LRGUK: variants seen among roughly 807,000 people sequenced by gnomAD.
LRGUK encodes the protein leucine rich repeats and guanylate kinase domain containing, also known as leucine-rich repeat and guanylate kinase domain-containing protein.
A neutral mutation model predicts 76.0 loss-of-function variants in LRGUK; 65 were observed. The ratio of observed to expected loss-of-function variants is 0.85; its 90% CI spans 0.70 to 1.05. LRGUK has a LOEUF of 1.05. LRGUK is among the 50% of genes least tolerant of loss of function. LRGUK has a pLI of 0.00. For synonymous variants in LRGUK, 268 were observed against 265.6 expected (o/e 1.01, Z -0.09); for missense variants, 758 against 732.8 (o/e 1.03, Z -0.40).
intron 15 of LRGUK, among the ~76,000 whole-genome samples, chr7:134,219,904 T>C (rs1221882573): frequency 6.6e-6 from 1 of 152,186 alleles, no homozygotes; most frequent in Non-Finnish European, 1.5e-5. Flanking sequence ...GGACTTCCTC[T>C]GACCACCATG....
chr7:134,250,912 G>A (rs1332946513), intron 18 of LRGUK, among the ~76,000 whole-genome samples: 1 of 152,196 alleles, frequency 6.6e-6, no homozygotes, highest in South Asian at 2.1e-4. Context: ...TTCACCCGTG[G>A]TCATGCATAT....
chr7:134,236,686 C>G (rs1802024912), intron 16 of LRGUK, among the ~76,000 whole-genome samples: 1 of 152,178 alleles, frequency 6.6e-6, no homozygotes, highest in Non-Finnish European at 1.5e-5. Flanking sequence ...GCAGAAGTTT[C>G]CTACACCCAT....
the LRGUK span, among the ~76,000 whole-genome samples, chr7:134,275,044 A>G: frequency 9.2e-5 from 14 of 151,918 alleles, no homozygotes; most frequent in Non-Finnish European, 1.6e-4. Context: ...GCTTTTTGCT[A>G]TACTTTTTTT....
At chr7:134,164,214 C>T (rs1798876508) in intron 7 of LRGUK, among the ~76,000 whole-genome samples, 1 of 152,068 alleles carries the variant, frequency 6.6e-6, no homozygotes, top group Non-Finnish European at 1.5e-5. Flanking sequence ...TGATGTTGTA[C>T]ACAGTAAGTA....
chr7:134,133,511 T>A (rs1797395409), intron 1 of LRGUK, among the ~76,000 whole-genome samples: 1 of 152,200 alleles, frequency 6.6e-6, no homozygotes, highest in African/African-American at 2.4e-5. Flanking sequence ...TCTCCCAGAC[T>A]GAACTGTAAA....
At chr7:134,153,800 A>G (rs1798333969) in intron 5 of LRGUK, among the ~76,000 whole-genome samples, 2 of 152,154 alleles carry the variant, frequency 1.3e-5, no homozygotes, top group South Asian at 4.1e-4. Flanking sequence ...TGGTAAGGTG[A>G]TACAGATCTT....
At chr7:134,133,349 A>G (rs1332321132) in intron 1 of LRGUK, among the ~76,000 whole-genome samples, 1 of 152,134 alleles carries the variant, frequency 6.6e-6, no homozygotes, top group African/African-American at 2.4e-5. Flanking sequence ...TTGGGTCTCA[A>G]TTGAATTGCT....
At chr7:134,174,445 A>G (rs182018355) in intron 7 of LRGUK, 111 bp from the exon 8 acceptor site, 12 of 689,054 alleles carry the variant, frequency 1.7e-5, no homozygotes, top group African/African-American at 1.4e-4. Flanking sequence ...AGACAGAGCA[A>G]TTTTTAAAAT....
intron 5 of LRGUK, among the ~76,000 whole-genome samples, chr7:134,156,336 G>A (rs578054446): frequency 5.3e-5 from 8 of 151,700 alleles, no homozygotes; most frequent in African/African-American, 1.9e-4. Context: ...AGAATCTTTT[G>A]TCTGCTAGTA....
At chr7:134,160,486 A>C (rs149355227) in intron 6 of LRGUK, among the ~76,000 whole-genome samples, 91 of 152,300 alleles carry the variant, frequency 6.0e-4, no homozygotes, top group African/African-American at 2.2e-3. Context: ...ATAGTTTTTA[A>C]TGCTTTTATT....
intron 15 of LRGUK, 126 bp from the exon 16 acceptor site, chr7:134,221,653 T>G: frequency 1.7e-6 from 1 of 597,556 alleles, no homozygotes; most frequent in Non-Finnish European, 2.6e-6. Flanking sequence ...ATTTTAAAGT[T>G]GAAATGCGCA....
chr7:134,127,678 C>T lies in LRGUK; in HGVS notation c.297+14C>T. 9 of 1,605,702 alleles carry T rather than the reference C, an allele frequency of 5.6e-6. No individual in the cohort carries two copies. Among genetic ancestry groups the T allele is most frequent in the Middle Eastern group, 2.1e-4 (1 of 4,788 alleles). ...CTGAATTTGGAGGTGTGTCTTCCCC[C>T]CCACCCCGTACTCCCTGGCTCCCTC... On this transcript the variant is annotated intron_variant, in intron 1 of 15. Transcript: ENST00000645682.
intron 2 of LRGUK, among the ~76,000 whole-genome samples, chr7:134,138,063 C>A (rs17828320): frequency 0.012 from 1,768 of 152,274 alleles, 12 homozygotes; most frequent in Non-Finnish European, 0.018. Flanking sequence ...CACTTTGTAA[C>A]ATTTTATGGA....
Position 134,248,820 on chromosome 7 carries a change from A to C in LRGUK, c.2073-131A>C, listed in dbSNP as rs74606204. The C allele has an allele frequency of 6.3e-4, 378 of 598,312 alleles. 4 individuals carry two copies. The African/African-American group carries it at 6.7e-3, about 11-fold the overall frequency. The allele number at this position is 598,312 out of a possible 1,614,324, so 37.1% of individuals were successfully genotyped here. ...CTGATGTGCATGTTTCTGAGTGGAT[A>C]TATTACATTATTTCACATAGATCTC... is the stretch of plus-strand genomic sequence containing the variant. On this transcript the variant is annotated intron_variant, in intron 17 of 19. Transcript: ENST00000285928.
intron 10 of LRGUK, among the ~76,000 whole-genome samples, chr7:134,181,589 G>A (rs1799754264): frequency 6.6e-6 from 1 of 151,654 alleles, no homozygotes; most frequent in Non-Finnish European, 1.5e-5. Context: ...TCTGTTTTCT[G>A]TTCCTTTGGT....
At chr7:134,166,101 C>T (rs985809090) in intron 7 of LRGUK, among the ~76,000 whole-genome samples, 1 of 151,046 alleles carries the variant, frequency 6.6e-6, no homozygotes, top group African/African-American at 2.4e-5. Context: ...GAGAACTCTA[C>T]AGGACTACCG....
intron 5 of LRGUK, among the ~76,000 whole-genome samples, chr7:134,149,954 T>G (rs1387251139): frequency 3.9e-5 from 6 of 151,984 alleles, no homozygotes; most frequent in Non-Finnish European, 8.8e-5. Context: ...CCAAAGCAAT[T>G]TGAGTGCACA....
intron 1 of LRGUK, among the ~76,000 whole-genome samples, chr7:134,131,595 G>A (rs1385420023): frequency 6.6e-6 from 1 of 152,136 alleles, no homozygotes; most frequent in East Asian, 1.9e-4. Flanking sequence ...ATTGTAGAGG[G>A]CACTGTGATG....
chr7:134,127,605 C>CAGGGCG, exon 1 of LRGUK: 1 of 1,614,188 alleles, frequency 6.2e-7, no homozygotes, highest in East Asian at 2.2e-5. Flanking sequence ...AGATGAGGAC[C>CAGGGCG]AGGGCGAGGG....
Sources: allele counts gnomAD v4.1 joint callset (sites outside exome capture counted in the v4.1 genomes callset), GRCh38; gene constraint gnomAD v4.1.1; transcripts MANE v1.5; gene names NCBI Gene and HGNC (gene_info 2026-07-23, HGNC 2026-07-21).